The following GRID2 variants were observed in gnomAD, a reference collection of about 807,000 sequenced individuals.
The protein encoded by GRID2 is glutamate receptor ionotropic, delta-2.
Under a neutral mutation model 114.8 loss-of-function variants are expected in GRID2, and 33 were observed. The observed-to-expected ratio is 0.29, with a 90% confidence interval of 0.22 to 0.38. GRID2 has a LOEUF of 0.38. GRID2 is among the 10% of genes least tolerant of loss of function. The pLI, the probability that GRID2 is intolerant of heterozygous loss-of-function variation, is 1.00. For missense variants in GRID2, 1,184 were observed against 1,257.7 expected, an observed-to-expected ratio of 0.94 and a Z score of 0.89; for synonymous variants, 505 against 449.9, an observed-to-expected ratio of 1.12 and a Z score of -1.55.
chr4:93,556,301 A>G (rs1343488203), intron 13 of GRID2, among the ~76,000 whole-genome samples: 3 of 152,170 alleles, frequency 2.0e-5, no homozygotes, highest in African/African-American at 7.2e-5. Flanking sequence ...GTGGGTAATA[A>G]ATTCACCTGA....
intron 4 of GRID2, among the ~76,000 whole-genome samples, chr4:93,112,772 G>A (rs1358701989): frequency 1.3e-5 from 2 of 152,064 alleles, no homozygotes; most frequent in Non-Finnish European, 2.9e-5. Context: ...AGGGGTGTGA[G>A]GGAAGGAACT....
chr4:93,782,163 A>C (rs915443886), intron 1 of GRID2, among the ~76,000 whole-genome samples: 1 of 152,096 alleles, frequency 6.6e-6, no homozygotes, highest in African/African-American at 2.4e-5. Context: ...CAGTGACTCA[A>C]ATCGCTATCT....
intron 2 of GRID2, among the ~76,000 whole-genome samples, chr4:92,600,044 G>GTGTGTGTATATATATATA (rs1206780169): frequency 1.8e-5 from 1 of 54,456 alleles, no homozygotes; most frequent in East Asian, 5.4e-4. Context: ...GTGTGTGTGT[G>GTGTGTGTATATATATATA]TATATATATA....
intron 2 of GRID2, among the ~76,000 whole-genome samples, chr4:92,882,639 CAG>C (rs1746109436): frequency 6.6e-6 from 1 of 152,048 alleles, no homozygotes; most frequent in Non-Finnish European, 1.5e-5. Context: ...ATGCATACCT[CAG>C]AGATACTGTG....
chr4:92,591,691 G>A lies in GRID2; in HGVS notation c.244+1405G>A, dbSNP rs187474213. ...TATTGAAATATATTTTCAATCAATA[G>A]CACTGGCTACTGTTGAAACTTATTT... On this transcript the variant is annotated intron_variant, in intron 2 of 15. Transcript: ENST00000282020. Among the ~76,000 whole-genome samples the A allele has an allele frequency of 1.9e-3, 294 of 152,164 alleles. 1 individual carries two copies. Among genetic ancestry groups the A allele is most frequent in the African/African-American group, 6.9e-3 (286 of 41,530 alleles).
intron 1 of GRID2, among the ~76,000 whole-genome samples, chr4:92,336,960 T>TG (rs943342806): frequency 8.7e-5 from 13 of 148,782 alleles, no homozygotes; most frequent in Admixed American, 2.0e-4. Context: ...TGTTGTTTTT[T>TG]TTTTTTTTTT....
chr4:93,044,364 A>T (rs1725920190), intron 2 of GRID2, among the ~76,000 whole-genome samples: 1 of 152,120 alleles, frequency 6.6e-6, no homozygotes, highest in African/African-American at 2.4e-5. Context: ...TTAGTTTAAA[A>T]AGCATCTTTT....
intron 2 of GRID2, among the ~76,000 whole-genome samples, chr4:92,640,824 T>TAA (rs200396753): frequency 1.3e-5 from 2 of 151,354 alleles, no homozygotes; most frequent in African/African-American, 4.8e-5. Flanking sequence ...TCATATAAAA[T>TAA]AAAAAAAACA....
At chr4:93,106,707 C>T (rs767396795) in intron 3 of GRID2, among the ~76,000 whole-genome samples, 6 of 152,024 alleles carry the variant, frequency 3.9e-5, no homozygotes, top group Non-Finnish European at 8.8e-5. Context: ...TACCAGTTGC[C>T]ACATATCATG....
rs1279376858 is a variant in GRID2 at position 93,680,045 on chromosome 4, A to G, written c.2360+53610A>G. Among the ~76,000 whole-genome samples the G allele has an allele frequency of 3.3e-5, 5 of 151,228 alleles. No individual in the cohort carries two copies. In the East Asian group the frequency reaches 9.6e-4, roughly 29 times the overall value. On this transcript the variant is annotated intron_variant, in intron 14 of 15. Transcript: ENST00000282020. ...TAGACCGCTAGCAAGACTAATAAAG[A>G]AAAAAAGAGAGAAGAATCAAATAGA...
intron 3 of GRID2, among the ~76,000 whole-genome samples, chr4:93,108,835 T>TG (rs1482209450): frequency 6.6e-6 from 1 of 152,064 alleles, no homozygotes; most frequent in Non-Finnish European, 1.5e-5. Context: ...TTCACCATAT[T>TG]GGCCAGGCTG....
chr4:92,607,762 G>T (rs1729529380), intron 2 of GRID2, among the ~76,000 whole-genome samples: 1 of 151,842 alleles, frequency 6.6e-6, no homozygotes, highest in Non-Finnish European at 1.5e-5. Context: ...ATTCAACATT[G>T]TTCAGCCTTT....
chr4:92,778,910 T>C (rs1738932734), intron 2 of GRID2, among the ~76,000 whole-genome samples: 1 of 152,090 alleles, frequency 6.6e-6, no homozygotes, highest in Non-Finnish European at 1.5e-5. Flanking sequence ...AGCTTAATCC[T>C]CAGAGAATTT....
rs1389905238 is a variant in GRID2, at chr4:93,408,117, AG to A, written c.1347+12410del. Reference sequence around the variant, plus strand: ...TCTGAAGTCTACTGGGGAATAAAGAAGCAGCTGATTAGCATTTGAAAGCAAG... The same window carrying A: ...TCTGAAGTCTACTGGGGAATAAAGAACAGCTGATTAGCATTTGAAAGCAAG... On this transcript the variant is annotated intron_variant, in intron 9 of 15. Transcript: ENST00000282020. 3.9e-5 allele frequency among the ~76,000 whole-genome samples: 6 copies of A among 152,296 alleles called. No individual in the cohort carries two copies. The East Asian group carries it at 1.2e-3, about 29-fold the overall frequency.
At chr4:93,051,427 T>C (rs1726700179) in intron 2 of GRID2, among the ~76,000 whole-genome samples, 1 of 152,044 alleles carries the variant, frequency 6.6e-6, no homozygotes, top group South Asian at 2.1e-4. Context: ...GGTAGCATTC[T>C]TTTTGCACAT....
At position 92,820,722 on chromosome 4, in the gene GRID2, G is replaced by A. The variant is rs143157815; in HGVS notation, c.244+230436G>A. ...ATTTAGAATGCATTTTTTGTACTACGGTTGATATTTCAGGCAACAGTGATG... is the reference window on the plus strand; with the variant it reads ...ATTTAGAATGCATTTTTTGTACTACAGTTGATATTTCAGGCAACAGTGATG... On this transcript the variant is annotated intron_variant, in intron 2 of 15. Transcript: ENST00000282020. Among the ~76,000 whole-genome samples, 1,356 of 152,002 alleles carry A rather than the reference G, an allele frequency of 8.9e-3. 31 individuals carry two copies. Among genetic ancestry groups the A allele is most frequent in the African/African-American group, 0.031 (1,281 of 41,494 alleles).
At chr4:93,042,289 CTCTCTCTCTCTATATA>C (rs1725620367) in intron 2 of GRID2, among the ~76,000 whole-genome samples, 1 of 85,284 alleles carries the variant, frequency 1.2e-5, no homozygotes, top group African/African-American at 4.5e-5. Flanking sequence ...CTCTCTCTCT[CTCTCTCTCTCTATATA>C]TATATATATA....
chr4:92,307,473 AT>A (rs1167138135), intron 1 of GRID2, among the ~76,000 whole-genome samples: 1 of 152,148 alleles, frequency 6.6e-6, no homozygotes, highest in Non-Finnish European at 1.5e-5. Flanking sequence ...ATATTGAATT[AT>A]TTTGGTATTG....
intron 2 of GRID2, among the ~76,000 whole-genome samples, chr4:92,985,361 C>T (rs888960446): frequency 1.3e-5 from 2 of 151,588 alleles, no homozygotes; most frequent in African/African-American, 2.4e-5. Context: ...GAGGACTGGC[C>T]TCAGCTGCGA....
Sources: gnomAD v4.1 joint callset for allele counts (sites outside exome capture counted in the v4.1 genomes callset) on GRCh38, gnomAD v4.1.1 for gene constraint, MANE v1.5 for transcripts, NCBI Gene and HGNC (gene_info 2026-07-23, HGNC 2026-07-21) for gene names.